Variants in ITGAV observed in about 807,000 individuals in gnomAD.
ITGAV encodes the protein integrin alpha-V.
In ITGAV, 76 loss-of-function variants were observed where a neutral mutation model predicts 143.8. The observed-to-expected ratio is 0.53, with a 90% CI of 0.44 to 0.64. The LOEUF (loss-of-function observed/expected upper bound fraction) is 0.64, where lower values mean the gene tolerates loss of function less well. ITGAV is among the 30% of genes least tolerant of loss of function. ITGAV has a pLI of 0.00. For missense variants in ITGAV, 1,193 were observed against 1,274.7 expected, an observed-to-expected ratio of 0.94 and a Z score of 0.98; for synonymous variants, 453 against 446.7, an observed-to-expected ratio of 1.01 and a Z score of -0.18.
intron 6 of ITGAV, among the ~76,000 whole-genome samples, chr2:186,635,151 C>T (rs961003319): frequency 6.6e-6 from 1 of 152,048 alleles, no homozygotes; most frequent in Non-Finnish European, 1.5e-5. Flanking sequence ...AGCTAGCAGA[C>T]TCAGTGAATT....
At position 186,679,761 on chromosome 2, in the gene ITGAV, A is replaced by G. The variant is rs1215418197; in HGVS notation, c.*2469A>G. Reference sequence around the variant, plus strand: ...AGAATTGATATTTTGAGAAAAATACATGTGAGTCATTTTTTCTGTTTCTCT... The same window carrying G: ...AGAATTGATATTTTGAGAAAAATACGTGTGAGTCATTTTTTCTGTTTCTCT... On this transcript the variant is annotated 3_prime_UTR_variant, in exon 30 of 30. Coordinates refer to ENST00000261023, the MANE Select transcript of ITGAV (RefSeq NM_002210.5). 6.6e-6 allele frequency: 1 copy of G among 152,082 alleles called. No homozygotes were observed. Among genetic ancestry groups the G allele is most frequent in the African/African-American group, 2.4e-5 (1 of 41,440 alleles). The allele number at this position is 152,082 out of a possible 1,614,324, so 9.4% of individuals were successfully genotyped here. A position where few individuals can be genotyped will look rare whatever the true frequency, so the allele number is the denominator to read the frequency against.
Position 186,646,705 on chromosome 2 carries a change from A to G in ITGAV, c.1179A>G (p.Pro393=). The change falls in exon 13 of 30, where the codon CCA becomes CCG. Residue 393 remains proline, a synonymous_variant. Coordinates refer to ENST00000261023, the MANE Select transcript of ITGAV (RefSeq NM_002210.5). ...DGFNDIAIAA[P]YGGEDKKGIV... is the part of the protein sequence containing the mutation. ...CCACAGATATTGCAATTGCTGCTCC[A>G]TATGGGGGTGAAGATAAAAAAGGAA... 6.3e-7 allele frequency: 1 copy of G among 1,594,674 alleles called. No individual in the cohort carries two copies. Among genetic ancestry groups the G allele is most frequent in the Non-Finnish European group, 8.6e-7 (1 of 1,167,436 alleles).
In ITGAV at chr2:186,614,255, G is replaced by C. The variant is rs1395654167; in HGVS notation, c.317-8084G>C. 2.0e-5 allele frequency among the ~76,000 whole-genome samples: 3 copies of C among 151,870 alleles called. No individual in the cohort carries two copies. In the East Asian group the frequency reaches 5.8e-4, roughly 29 times the overall value. On this transcript the variant is annotated intron_variant, in intron 2 of 29. Coordinates refer to ENST00000261023, the MANE Select transcript of ITGAV (RefSeq NM_002210.5). ...CCACTCAGGAAACCAAGGGCCATAG[G>C]ATATACTTTTGTGTGTGTATTTGTG...
intron 5 of ITGAV, among the ~76,000 whole-genome samples, chr2:186,632,083 T>A (rs1574478818): frequency 6.6e-6 from 1 of 152,268 alleles, no homozygotes; most frequent in African/African-American, 2.4e-5. Context: ...ATTTTTTTTC[T>A]AGACTAGGTA....
chr2:186,667,701 G>T lies in ITGAV; in HGVS notation c.2358G>T (p.Pro786=), dbSNP rs140099606. The part of the protein sequence containing the change: ...GVSSPDHVFL[P]IPNWEHKENP... The stretch of plus-strand genomic sequence containing the variant: ...CGAGTCCTGATCATGTCTTTCTTCC[G>T]ATTCCAAACTGGGAGCACAAGGAGA... The change falls in exon 24 of 30, where the codon CCG becomes CCT. Residue 786 remains proline (P), a synonymous_variant. Coordinates refer to ENST00000261023, the MANE Select transcript of ITGAV (RefSeq NM_002210.5). 8 of 1,609,544 alleles carry T rather than the reference G, an allele frequency of 5.0e-6. No individual in the cohort carries two copies. In the African/African-American group the frequency reaches 9.4e-5, roughly 19 times the overall value.
At chr2:186,638,973 A>G (rs1446497853) in intron 10 of ITGAV, among the ~76,000 whole-genome samples, 1 of 151,568 alleles carries the variant, frequency 6.6e-6, no homozygotes, top group Non-Finnish European at 1.5e-5. Flanking sequence ...TTTACTGAAA[A>G]GAAAAAAGAG....
At chr2:186,592,848 A>C (rs534654169) in intron 1 of ITGAV, among the ~76,000 whole-genome samples, 2 of 152,300 alleles carry the variant, frequency 1.3e-5, no homozygotes, top group South Asian at 4.2e-4. Context: ...TAAAAAATGG[A>C]AACCAACCTT....
chr2:186,652,178 A>C (rs1688453379), intron 15 of ITGAV, 89 bp downstream of exon 15: 1 of 782,450 alleles, frequency 1.3e-6, no homozygotes, highest in African/African-American at 1.7e-5. Flanking sequence ...TAGGGCTGAA[A>C]TATTGCTAAA....
intron 1 of ITGAV, among the ~76,000 whole-genome samples, chr2:186,597,184 T>C (rs1686770261): frequency 6.6e-6 from 1 of 152,204 alleles, no homozygotes; most frequent in Non-Finnish European, 1.5e-5. Context: ...GAGTGGTGTT[T>C]TCATTCAGAG....
At chr2:186,593,558 TGTG>T (rs1686670706) in intron 1 of ITGAV, among the ~76,000 whole-genome samples, 1 of 152,186 alleles carries the variant, frequency 6.6e-6, no homozygotes, top group Admixed American at 6.5e-5. Flanking sequence ...ATACTTTTCT[TGTG>T]GAGACTAATT....
chr2:186,603,109 C>T (rs1281680316), intron 2 of ITGAV, among the ~76,000 whole-genome samples: 1 of 152,074 alleles, frequency 6.6e-6, no homozygotes, highest in Admixed American at 6.6e-5. Context: ...ATGCAGAATT[C>T]TGTACGCATT....
chr2:186,669,864 C>A, intron 26 of ITGAV, 50 bp downstream of exon 26: 1 of 1,205,320 alleles, frequency 8.3e-7, no homozygotes, highest in Non-Finnish European at 1.2e-6. Flanking sequence ...AAATATGTGA[C>A]TATAGAACTG....
intron 2 of ITGAV, among the ~76,000 whole-genome samples, chr2:186,621,877 T>C (rs2105685189): frequency 6.6e-6 from 1 of 152,340 alleles, no homozygotes; most frequent in East Asian, 1.9e-4. Context: ...TCAAGTTTCC[T>C]GGATTCTAAT....
chr2:186,608,840 G>A (rs368774960), intron 2 of ITGAV, among the ~76,000 whole-genome samples: 3 of 152,244 alleles, frequency 2.0e-5, no homozygotes, highest in African/African-American at 7.2e-5. Context: ...TTGGAAGGAT[G>A]TTGGTAACTT....
Position 186,664,572 on chromosome 2 carries a change from C to T in ITGAV, c.2004C>T (p.Ala668=). ...IVKAQNQGEG[A]YEAELIVSIP... ...AGGCTCAGAATCAAGGAGAAGGTGC[C>T]TACGAAGCTGAGCTCATCGTTTCCA... Residue 668 remains alanine (A), a synonymous_variant, in exon 20 of 30, where the codon GCC becomes GCT. Transcript: ENST00000261023. 1 of 1,614,064 alleles carries T rather than the reference C, an allele frequency of 6.2e-7. No individual in the cohort carries two copies. The highest frequency in any genetic ancestry group is 8.5e-7 in the Non-Finnish European group (1 of 1,179,966).
chr2:186,618,505 A>G (rs182841378), intron 2 of ITGAV, among the ~76,000 whole-genome samples: 7 of 152,358 alleles, frequency 4.6e-5, no homozygotes, highest in African/African-American at 1.7e-4. Context: ...TGTTTTTGAT[A>G]CTTTTTTAAA....
intron 8 of ITGAV, 45 bp from the exon 9 acceptor site, chr2:186,638,223 CAACTTCCAG>C: frequency 6.6e-7 from 1 of 1,519,176 alleles, no homozygotes; most frequent in Non-Finnish European, 9.1e-7. Context: ...TTCTGGTCTG[CAACTTCCAG>C]TGTTGTCCTA....
chr2:186,663,118 C>G (rs1219607970), intron 18 of ITGAV, among the ~76,000 whole-genome samples: 2 of 152,070 alleles, frequency 1.3e-5, no homozygotes, highest in African/African-American at 4.8e-5. Context: ...CTGGCCAGAT[C>G]TAGTGGGGAA....
rs780963026 is a variant in ITGAV at position 186,664,611 on chromosome 2, T to A, written c.2043T>A (p.Ala681=). 92 of 1,614,008 alleles carry A rather than the reference T, an allele frequency of 5.7e-5. 1 individual carries two copies. The Admixed American group carries it at 1.5e-3, about 27-fold the overall frequency. Residue 681 remains alanine (A), a synonymous_variant, in exon 20 of 30, where the codon GCT becomes GCA. Transcript: ENST00000261023. The stretch of plus-strand genomic sequence containing the variant: ...TCATCGTTTCCATTCCACTGCAGGC[T>A]GATTTCATCGGGGTTGTCCGAAACA... ...AELIVSIPLQ[A]DFIGVVRNNE...
Sources: gnomAD v4.1 joint callset for allele counts (sites outside exome capture counted in the v4.1 genomes callset) on GRCh38, gnomAD v4.1.1 for gene constraint, MANE v1.5 for transcripts, NCBI Gene and HGNC (gene_info 2026-07-23, HGNC 2026-07-21) for gene names.